SLC12A8: variants seen among roughly 807,000 people sequenced by gnomAD.
SLC12A8 encodes solute carrier family 12 member 8.
SLC12A8 carries 69 observed loss-of-function variants against 75.6 expected under a neutral mutation model. That is an observed-to-expected ratio of 0.91 (90% CI 0.75 to 1.11). SLC12A8 has a LOEUF of 1.11. Ranked by LOEUF, SLC12A8 falls within the 50% of genes most tolerant of loss-of-function variation. The probability of loss-of-function intolerance (pLI) is 0.00; values close to 1 mark genes in which losing one functional copy is unlikely to be tolerated. For missense variants in SLC12A8, 877 were observed against 896.7 expected (o/e 0.98, Z 0.28); for synonymous variants, 365 against 372.8 (o/e 0.98, Z 0.24).
At chr3:125,208,824 A>AGAGAGAGAGAGAGAGAGAGC (rs144988140) in intron 2 of SLC12A8, among the ~76,000 whole-genome samples, 21 of 127,564 alleles carry the variant, frequency 1.6e-4, no homozygotes, top group Admixed American at 4.0e-4. Context: ...AGAGAGAGAG[A>AGAGAGAGAGAGAGAGAGAGC]GCTACCCTAT....
intron 5 of SLC12A8, among the ~76,000 whole-genome samples, chr3:125,161,035 G>A (rs1417604572): frequency 6.6e-6 from 1 of 152,204 alleles, no homozygotes; most frequent in African/African-American, 2.4e-5. Context: ...GTCAGTCACA[G>A]GGCAGTGAGT....
chr3:125,126,186 T>C (rs893815328), intron 6 of SLC12A8, among the ~76,000 whole-genome samples: 4 of 152,184 alleles, frequency 2.6e-5, no homozygotes, highest in African/African-American at 9.7e-5. Flanking sequence ...ATATTTATGG[T>C]CTCAGTTTTG....
intron 10 of SLC12A8, among the ~76,000 whole-genome samples, chr3:125,104,096 T>A (rs766970213): frequency 2.0e-5 from 3 of 152,022 alleles, no homozygotes; most frequent in Non-Finnish European, 4.4e-5. Flanking sequence ...AGAAAAACTT[T>A]TTAAAATTAT....
chr3:125,142,868 A>G (rs1255595912), intron 5 of SLC12A8, among the ~76,000 whole-genome samples: 4 of 152,234 alleles, frequency 2.6e-5, no homozygotes, highest in Non-Finnish European at 5.9e-5. Flanking sequence ...TTGGTTTCCA[A>G]TGGCAGAGGT....
chr3:125,203,313 G>GCATCA (rs1935164370), intron 2 of SLC12A8, among the ~76,000 whole-genome samples: 1 of 151,732 alleles, frequency 6.6e-6, no homozygotes, highest in Admixed American at 6.6e-5. Context: ...AAAGCTGAAA[G>GCATCA]CATCACACTA....
At chr3:125,135,855 C>T (rs1933480333) in intron 5 of SLC12A8, 73 bp from the exon 6 acceptor site, 2 of 832,498 alleles carry the variant, frequency 2.4e-6, no homozygotes, top group Non-Finnish European at 3.8e-6. Context: ...GATTATGGTA[C>T]TATTTCATAT....
intron 2 of SLC12A8, 22 bp from the exon 3 acceptor site, chr3:125,190,543 A>C (rs779969873): frequency 6.2e-7 from 1 of 1,612,708 alleles, no homozygotes; most frequent in Non-Finnish European, 8.5e-7. Flanking sequence ...ACACACAGAA[A>C]TCAGCTGAGG....
chr3:125,181,739 GA>G (rs75028437), intron 4 of SLC12A8, among the ~76,000 whole-genome samples: 8 of 148,056 alleles, frequency 5.4e-5, no homozygotes, highest in African/African-American at 7.5e-5. Context: ...TGAAATAGAA[GA>G]AAAAATAACA....
intron 5 of SLC12A8, among the ~76,000 whole-genome samples, chr3:125,148,961 A>T (rs1021409382): frequency 6.9e-6 from 1 of 144,070 alleles, no homozygotes; most frequent in African/African-American, 2.8e-5. Context: ...AGGAACACAA[A>T]CCAGCAGCGG....
rs768737189 is a variant in SLC12A8 at position 125,092,130 on chromosome 3, T to G, written c.1774A>C (p.Met592Leu). ...WRRSTSFYTHMCNPWVSLLGA... is the reference protein window; with the variant it reads ...WRRSTSFYTHLCNPWVSLLGA... ...AACAGGGAGACCCAGGGGTTGCACA[T>G]GTGGGTATAGAAAGAAGTGGATCTT... Residue 592 changes from methionine to leucine, a missense_variant, in exon 11 of 14, where the codon ATG becomes CTG. By Grantham distance (15) the Met-to-Leu change is conservative. Transcript: ENST00000469902. The G allele has an allele frequency of 1.2e-6, 2 of 1,612,204 alleles. No homozygotes were observed. Among genetic ancestry groups the G allele is most frequent in the Admixed American group, 1.7e-5 (1 of 59,954 alleles).
chr3:125,119,097 A>ATC, intron 7 of SLC12A8: 1 of 364,158 alleles, frequency 2.7e-6, no homozygotes, highest in South Asian at 4.1e-5. Flanking sequence ...AAATATATAT[A>ATC]AAAATATGGA....
chr3:125,168,856 C>G (rs1934347384), intron 5 of SLC12A8, among the ~76,000 whole-genome samples: 1 of 152,200 alleles, frequency 6.6e-6, no homozygotes, highest in South Asian at 2.1e-4. Flanking sequence ...CCCTCCCTCA[C>G]CCAGCAGAAG....
chr3:125,205,976 T>A (rs1406640305), intron 2 of SLC12A8, among the ~76,000 whole-genome samples: 1 of 152,122 alleles, frequency 6.6e-6, no homozygotes, highest in Non-Finnish European at 1.5e-5. Context: ...GATATAAATA[T>A]GCTTAAAGAA....
intron 13 of SLC12A8, among the ~76,000 whole-genome samples, chr3:125,087,479 T>G (rs1297243652): frequency 1.3e-5 from 2 of 152,220 alleles, no homozygotes; most frequent in Non-Finnish European, 2.9e-5. Flanking sequence ...CATGATCCAC[T>G]AGCAATGTCT....
intron 5 of SLC12A8, among the ~76,000 whole-genome samples, chr3:125,170,238 C>A (rs940574003): frequency 1.7e-4 from 26 of 152,156 alleles, no homozygotes; most frequent in African/African-American, 6.3e-4. Flanking sequence ...TCTGGTAGAA[C>A]CTAACAAAAT....
intron 2 of SLC12A8, among the ~76,000 whole-genome samples, chr3:125,202,526 A>AT (rs752697696): frequency 1.9e-4 from 29 of 152,080 alleles, no homozygotes; most frequent in Non-Finnish European, 2.2e-4. Flanking sequence ...CAAATGCAGT[A>AT]TTTTGTCTAT....
chr3:125,097,814 G>A (rs141916515), intron 10 of SLC12A8, among the ~76,000 whole-genome samples: 375 of 152,136 alleles, frequency 2.5e-3, no homozygotes, highest in Non-Finnish European at 4.4e-3. Context: ...GAGAAAGCAA[G>A]TTGTACAAAC....
chr3:125,157,706 G>A (rs1438353700), intron 5 of SLC12A8, among the ~76,000 whole-genome samples: 1 of 152,136 alleles, frequency 6.6e-6, no homozygotes, highest in Non-Finnish European at 1.5e-5. Flanking sequence ...TTACTACCAG[G>A]TGAACACTTG....
rs770521685 is a variant in SLC12A8 at position 125,091,423 on chromosome 3, T to C, written c.1921+16A>G. 1 of 1,578,792 alleles carries C rather than the reference T, an allele frequency of 6.3e-7. No homozygotes were observed. On this transcript the variant is annotated intron_variant, in intron 12 of 13. Transcript: ENST00000469902. ...GAGAATGAGGGAACCAGTGGCAAAA[T>C]GGCTCTGCTGCTTACCAAGGTGAAG...
Sources: allele counts gnomAD v4.1 joint callset (sites outside exome capture counted in the v4.1 genomes callset), GRCh38; gene constraint gnomAD v4.1.1; transcripts MANE v1.5; gene names NCBI Gene and HGNC (gene_info 2026-07-23, HGNC 2026-07-21).